Variants in SHISA9 observed in about 807,000 individuals in gnomAD.
SHISA9 encodes shisa family member 9.
In SHISA9, 13 loss-of-function variants were observed where a neutral mutation model predicts 38.0. That is an observed-to-expected ratio of 0.34 (90% confidence interval 0.22 to 0.54). The LOEUF is 0.54. Ranked by LOEUF, SHISA9 falls within the 20% of genes least tolerant of loss-of-function variation. The pLI is 0.91. For synonymous variants in SHISA9, 275 were observed against 242.0 expected (o/e 1.14, Z -1.27); for missense variants, 538 against 575.8 (o/e 0.93, Z 0.67).
the SHISA9 span, among the ~76,000 whole-genome samples, chr16:13,554,329 C>A: frequency 6.6e-6 from 1 of 150,418 alleles, no homozygotes; most frequent in Non-Finnish European, 1.5e-5. Flanking sequence ...TCATGCCTAC[C>A]TGAGATAACT....
chr16:13,132,770 C>T (rs936149419), intron 2 of SHISA9, among the ~76,000 whole-genome samples: 9 of 152,176 alleles, frequency 5.9e-5, no homozygotes, highest in Non-Finnish European at 1.0e-4. Flanking sequence ...GTGAGACCCT[C>T]TCACTGATAA....
In SHISA9 at chr16:12,902,481, C is replaced by A. The variant is rs759472509; in HGVS notation, c.417C>A (p.Asp139Glu). ...CCGGCAAGCCCCCCGCCCGCAAGGA[C>A]GACCCCTTGCACGACCCCACCAAGG... is the stretch of plus-strand genomic sequence containing the variant. ...LNTGKPPARK[D>E]DPLHDPTKDK... is the part of the protein sequence containing the mutation. The change falls in exon 1 of 5, where the codon GAC (aspartate) becomes GAA (glutamate). Residue 139 changes from aspartate to glutamate, a missense_variant. By Grantham distance (45) the Asp-to-Glu change is conservative (BLOSUM62 2). This residue lies in a region of SHISA9 where 88 missense variants were observed against 109.7 expected (regional missense o/e 0.80). Coordinates refer to ENST00000558583, the MANE Select transcript of SHISA9 (RefSeq NM_001145204.3). 9 of 1,551,574 alleles carry A rather than the reference C, an allele frequency of 5.8e-6. No individual in the cohort carries two copies. Among genetic ancestry groups the A allele is most frequent in the South Asian group, 3.6e-5 (3 of 84,062 alleles).
At chr16:13,123,865 C>T (rs1381005526) in intron 2 of SHISA9, among the ~76,000 whole-genome samples, 1 of 152,178 alleles carries the variant, frequency 6.6e-6, no homozygotes, top group Non-Finnish European at 1.5e-5. Context: ...GAATTTACCT[C>T]TCTATTTTCA....
chr16:13,101,982 G>A (rs534445942), intron 2 of SHISA9, among the ~76,000 whole-genome samples: 1 of 152,358 alleles, frequency 6.6e-6, no homozygotes, highest in African/African-American at 2.4e-5. Context: ...ATTCCTGCAT[G>A]GATGATTGGG....
the SHISA9 span, among the ~76,000 whole-genome samples, chr16:13,332,911 G>C: frequency 1.3e-5 from 2 of 152,206 alleles, no homozygotes; most frequent in African/African-American, 4.8e-5. Context: ...AACTCCAGGG[G>C]CTTCCTGATG....
At chr16:13,497,695 A>AG in the SHISA9 span, among the ~76,000 whole-genome samples, 4 of 140,652 alleles carry the variant, frequency 2.8e-5, no homozygotes, top group Admixed American at 7.0e-5. Flanking sequence ...CAAAAAAAAA[A>AG]AAAAAAGAAA....
chr16:13,044,290 C>T (rs528449222), intron 2 of SHISA9, among the ~76,000 whole-genome samples: 1 of 152,284 alleles, frequency 6.6e-6, no homozygotes, highest in South Asian at 2.1e-4. Flanking sequence ...TACTTTTGCA[C>T]CAAATTCCTC....
At chr16:12,973,009 G>T (rs1361038395) in intron 2 of SHISA9, among the ~76,000 whole-genome samples, 1 of 152,116 alleles carries the variant, frequency 6.6e-6, no homozygotes, top group Admixed American at 6.5e-5. Context: ...CCAGCTACTT[G>T]GGAGGCTGAG....
chr16:13,510,028 A>G, the SHISA9 span, among the ~76,000 whole-genome samples: 1 of 152,148 alleles, frequency 6.6e-6, no homozygotes, highest in Non-Finnish European at 1.5e-5. Context: ...AACTGAGACT[A>G]GCCTCAGTGT....
At position 12,901,673 on chromosome 16, in the gene SHISA9, T is replaced by C. The variant is rs910583563; in HGVS notation, c.-392T>C. The C allele has an allele frequency of 2.7e-5, 4 of 150,648 alleles. No individual in the cohort carries two copies. The highest frequency in any genetic ancestry group is 4.4e-5 in the Non-Finnish European group (3 of 67,688). 9.3% of individuals were successfully genotyped at this position (150,648 alleles called of 1,614,324 possible). A position where few individuals can be genotyped will look rare whatever the true frequency, so the allele number is the denominator to read the frequency against. On this transcript the variant is annotated 5_prime_UTR_variant, in exon 1 of 5. Coordinates refer to ENST00000558583, the MANE Select transcript of SHISA9 (RefSeq NM_001145204.3). The stretch of plus-strand genomic sequence containing the variant: ...GGTGAGAGGGATACTGCGAGAGGGC[T>C]AGGGGCGGCCAGTCCGGGGCTGCCG...
At chr16:13,203,693 A>G (rs1407855174) in intron 3 of SHISA9, 144 bp downstream of exon 3, 2 of 889,672 alleles carry the variant, frequency 2.2e-6, no homozygotes, top group Non-Finnish European at 3.2e-6. Context: ...CTCTGCCTCT[A>G]TCTCATTTTT....
At chr16:12,936,538 A>G (rs1053555479) in intron 2 of SHISA9, among the ~76,000 whole-genome samples, 1 of 152,222 alleles carries the variant, frequency 6.6e-6, no homozygotes, top group Non-Finnish European at 1.5e-5. Context: ...ATTCCACACA[A>G]TGAGCATATG....
At chr16:13,398,514 T>TTTG in the SHISA9 span, among the ~76,000 whole-genome samples, 2 of 151,930 alleles carry the variant, frequency 1.3e-5, no homozygotes, top group African/African-American at 4.8e-5. Context: ...TTTTTTTTTT[T>TTTG]TTTTGACACA....
the SHISA9 span, among the ~76,000 whole-genome samples, chr16:13,325,083 T>C: frequency 1.3e-5 from 2 of 152,260 alleles, no homozygotes; most frequent in South Asian, 2.1e-4. Flanking sequence ...AGAGAATAGA[T>C]GGTAAATGTC....
intron 2 of SHISA9, among the ~76,000 whole-genome samples, chr16:12,970,629 G>C (rs1174216588): frequency 1.4e-5 from 2 of 140,922 alleles, no homozygotes; most frequent in Non-Finnish European, 3.0e-5. Flanking sequence ...TCCTGCCTCA[G>C]CCTCCCAAGT....
the SHISA9 span, among the ~76,000 whole-genome samples, chr16:13,258,643 C>T: frequency 1.2e-3 from 183 of 152,240 alleles, no homozygotes; most frequent in African/African-American, 2.9e-3. Flanking sequence ...AGGCTGGAGG[C>T]GAGGCCTCAG....
the SHISA9 span, among the ~76,000 whole-genome samples, chr16:13,308,835 C>G: frequency 1.3e-5 from 2 of 152,094 alleles, no homozygotes; most frequent in Non-Finnish European, 2.9e-5. Context: ...GATAGGTGAA[C>G]AGGGTAAAAG....
chr16:13,513,113 A>G, the SHISA9 span, among the ~76,000 whole-genome samples: 7 of 152,380 alleles, frequency 4.6e-5, no homozygotes, highest in East Asian at 1.3e-3. Context: ...TACCCATCTG[A>G]CAAAGATCTA....
chr16:13,213,738 A>G (rs1203739759), intron 4 of SHISA9, among the ~76,000 whole-genome samples: 2 of 152,132 alleles, frequency 1.3e-5, no homozygotes, highest in Non-Finnish European at 2.9e-5. Flanking sequence ...CCTTTTAGAG[A>G]ACAGAATGCT....
Sources: allele counts gnomAD v4.1 joint callset (sites outside exome capture counted in the v4.1 genomes callset), GRCh38; gene constraint gnomAD v4.1.1; regional missense constraint gnomAD v4.1.1; transcripts MANE v1.5; gene names NCBI Gene and HGNC (gene_info 2026-07-23, HGNC 2026-07-21).